Variants in RAP1GDS1 observed in about 807,000 individuals in gnomAD.
RAP1GDS1 encodes RAP1, GTP-GDP dissociation stimulator 1.
Under a neutral mutation model 71.1 loss-of-function variants are expected in RAP1GDS1, and 35 were observed. The ratio of observed to expected loss-of-function variants is 0.49; its 90% CI spans 0.38 to 0.65. The LOEUF (loss-of-function observed/expected upper bound fraction) is 0.65. Among genes scored for constraint, RAP1GDS1 ranks in the 30% least tolerant of loss-of-function variants. The probability of loss-of-function intolerance (pLI) is 0.00; values close to 1 mark genes in which losing one functional copy is unlikely to be tolerated. For missense variants in RAP1GDS1, 663 were observed against 706.1 expected (o/e 0.94, Z 0.69); for synonymous variants, 229 against 243.1 (o/e 0.94, Z 0.54).
intron 4 of RAP1GDS1, among the ~76,000 whole-genome samples, chr4:98,366,133 C>G (rs1739451190): frequency 1.3e-5 from 2 of 152,124 alleles, no homozygotes; most frequent in Admixed American, 1.3e-4. Context: ...TCACCCAAAT[C>G]TCATCTTGAA....
At chr4:98,441,628 G>T (rs562111179) in intron 14 of RAP1GDS1, 197 of 983,332 alleles carry the variant, frequency 2.0e-4, no homozygotes, top group Non-Finnish European at 2.3e-4. Flanking sequence ...AAGTAGCTGT[G>T]CAGTGGCTCA....
chr4:98,419,415 C>T (rs1748484728), intron 10 of RAP1GDS1, among the ~76,000 whole-genome samples: 1 of 152,142 alleles, frequency 6.6e-6, no homozygotes, highest in South Asian at 2.1e-4. Context: ...TCAAGAATGA[C>T]TTTCAGTTGT....
chr4:98,346,594 G>C (rs1736320217), intron 3 of RAP1GDS1, among the ~76,000 whole-genome samples: 2 of 151,848 alleles, frequency 1.3e-5, no homozygotes, highest in South Asian at 4.2e-4. Flanking sequence ...GCCCAGGCTG[G>C]AGTGCAATGG....
chr4:98,358,789 T>C (rs191451104), intron 4 of RAP1GDS1, among the ~76,000 whole-genome samples: 2 of 152,134 alleles, frequency 1.3e-5, no homozygotes, highest in Admixed American at 1.3e-4. Context: ...AGGTCTGACA[T>C]TGTACCAATG....
intron 1 of RAP1GDS1, among the ~76,000 whole-genome samples, chr4:98,267,556 C>A (rs889591743): frequency 3.9e-5 from 6 of 152,088 alleles, no homozygotes; most frequent in African/African-American, 1.4e-4. Context: ...CATATGTACA[C>A]CCAGTGCTTA....
intron 1 of RAP1GDS1, among the ~76,000 whole-genome samples, chr4:98,276,161 G>T (rs1014502743): frequency 6.6e-6 from 1 of 152,046 alleles, no homozygotes; most frequent in Admixed American, 6.6e-5. Context: ...AACCTCACAC[G>T]GTAGAAGGAG....
At chr4:98,341,214 A>G (rs1443049257) in intron 2 of RAP1GDS1, among the ~76,000 whole-genome samples, 1 of 152,218 alleles carries the variant, frequency 6.6e-6, no homozygotes. Flanking sequence ...AGATTTTTCT[A>G]AATCGTAAAT....
intron 1 of RAP1GDS1, among the ~76,000 whole-genome samples, chr4:98,277,501 A>AT (rs2110243633): frequency 6.6e-6 from 1 of 152,296 alleles, no homozygotes; most frequent in South Asian, 2.1e-4. Context: ...ATTCTTCGTC[A>AT]TAACACCAGT....
At chr4:98,422,098 G>A (rs1474243913) in intron 12 of RAP1GDS1, among the ~76,000 whole-genome samples, 1 of 151,956 alleles carries the variant, frequency 6.6e-6, no homozygotes, top group Non-Finnish European at 1.5e-5. Flanking sequence ...TACTCGGGAG[G>A]CTGAGGCAGG....
At chr4:98,357,245 C>G (rs1738096725) in intron 4 of RAP1GDS1, among the ~76,000 whole-genome samples, 1 of 151,848 alleles carries the variant, frequency 6.6e-6, no homozygotes, top group Non-Finnish European at 1.5e-5. Flanking sequence ...TTATTAAAGT[C>G]TCATGCAAGT....
intron 2 of RAP1GDS1, 119 bp downstream of exon 2, chr4:98,293,634 T>TC: frequency 1.4e-6 from 1 of 735,320 alleles, no homozygotes; most frequent in South Asian, 1.8e-5. Context: ...TTCTTTTGAA[T>TC]CATATCCCTG....
At chr4:98,346,767 A>G (rs1217417091) in intron 3 of RAP1GDS1, among the ~76,000 whole-genome samples, 1 of 152,092 alleles carries the variant, frequency 6.6e-6, no homozygotes, top group Non-Finnish European at 1.5e-5. Flanking sequence ...GCTGGTCTCG[A>G]ACTCCTGACC....
rs36034058 is a variant in RAP1GDS1, at chr4:98,438,567, C to CATATAT, written c.1696+1516_1696+1521dup. ...TTTTAATCATTTACATTTATTCTTC[C>CATATAT]ATATATATATATATATATATATCTT... On this transcript the variant is annotated intron_variant, in intron 14 of 14. Transcript: ENST00000408927. Among the ~76,000 whole-genome samples the CATATAT allele has an allele frequency of 3.5e-3, 368 of 104,744 alleles. 4 individuals carry two copies. The highest frequency in any genetic ancestry group is 0.015 in the African/African-American group (346 of 23,658). 68.7% of individuals were successfully genotyped at this position (104,744 alleles called of 152,430 possible). A position where few individuals can be genotyped will look rare whatever the true frequency, so the allele number is the denominator to read the frequency against.
At chr4:98,394,534 C>T (rs1477443859) in intron 6 of RAP1GDS1, among the ~76,000 whole-genome samples, 1 of 151,946 alleles carries the variant, frequency 6.6e-6, no homozygotes, top group Non-Finnish European at 1.5e-5. Flanking sequence ...CTGTATCAAA[C>T]CTTACTCACC....
chr4:98,339,568 A>AT (rs964670161), intron 2 of RAP1GDS1, among the ~76,000 whole-genome samples: 52 of 146,758 alleles, frequency 3.5e-4, no homozygotes, highest in South Asian at 1.1e-3. Flanking sequence ...ATCGTTTTTG[A>AT]TTTTTTTTTT....
chr4:98,434,087 T>A lies in RAP1GDS1; in HGVS notation c.1567+25T>A, dbSNP rs1000235228. Reference sequence around the variant, plus strand: ...GGTAAGTACCCCAGTGACAAACTTATTTTCTTCTATTTTTATCTTGGATGA... The same window carrying A: ...GGTAAGTACCCCAGTGACAAACTTAATTTCTTCTATTTTTATCTTGGATGA... On this transcript the variant is annotated intron_variant, in intron 13 of 14. Coordinates refer to ENST00000408927, the MANE Select transcript of RAP1GDS1 (RefSeq NM_001100427.2). 3.1e-6 allele frequency: 5 copies of A among 1,607,836 alleles called. No individual in the cohort carries two copies. The Admixed American group carries it at 6.7e-5, about 22-fold the overall frequency.
At chr4:98,329,089 A>T (rs1733562582) in intron 2 of RAP1GDS1, among the ~76,000 whole-genome samples, 4 of 152,234 alleles carry the variant, frequency 2.6e-5, no homozygotes, top group Admixed American at 2.6e-4. Context: ...AGCCTTGGTA[A>T]CACAACCAGT....
intron 3 of RAP1GDS1, among the ~76,000 whole-genome samples, chr4:98,351,091 T>C (rs532882133): frequency 1.3e-5 from 2 of 152,312 alleles, no homozygotes; most frequent in South Asian, 4.1e-4. Context: ...TGATGTGTCA[T>C]CTCCTATAGA....
At chr4:98,411,955 G>T (rs911955075) in intron 7 of RAP1GDS1, among the ~76,000 whole-genome samples, 2 of 152,168 alleles carry the variant, frequency 1.3e-5, no homozygotes, top group African/African-American at 4.8e-5. Flanking sequence ...CACAGTACAA[G>T]TGTACCTTTT....
Sources: gnomAD v4.1 joint callset for allele counts (sites outside exome capture counted in the v4.1 genomes callset) on GRCh38, gnomAD v4.1.1 for gene constraint, MANE v1.5 for transcripts, NCBI Gene and HGNC (gene_info 2026-07-23, HGNC 2026-07-21) for gene names.